Variants in SPATA17 observed in about 807,000 individuals in gnomAD.
SPATA17 encodes the protein spermatogenesis associated 17.
In SPATA17, 53 loss-of-function variants were observed where a neutral mutation model predicts 62.2. That is an observed-to-expected ratio of 0.85 (90% CI 0.68 to 1.07). SPATA17 has a LOEUF of 1.07. Among genes scored for constraint, SPATA17 ranks in the 50% least tolerant of loss-of-function variants. SPATA17 has a pLI of 0.00. For missense variants in SPATA17, 466 were observed against 425.5 expected (o/e 1.10, Z -0.84); for synonymous variants, 146 against 146.8 (o/e 0.99, Z 0.04).
intron 5 of SPATA17, among the ~76,000 whole-genome samples, chr1:217,706,520 G>GT (rs1158009280): frequency 6.6e-6 from 1 of 152,166 alleles, no homozygotes; most frequent in Non-Finnish European, 1.5e-5. Context: ...ATAAATGGTA[G>GT]TTTTTTCTGT....
At chr1:217,757,666 T>A (rs967936161) in intron 6 of SPATA17, among the ~76,000 whole-genome samples, 14 of 152,002 alleles carry the variant, frequency 9.2e-5, no homozygotes, top group Non-Finnish European at 2.1e-4. Flanking sequence ...AGAGGAGAGT[T>A]TTAGAATGGT....
intron 1 of SPATA17, among the ~76,000 whole-genome samples, chr1:217,636,701 G>T (rs554301873): frequency 1.3e-5 from 2 of 152,164 alleles, no homozygotes; most frequent in Non-Finnish European, 2.9e-5. Context: ...TGGGATTACA[G>T]GCGTGAGCCA....
chr1:217,771,568 G>A (rs1453883497), intron 6 of SPATA17, among the ~76,000 whole-genome samples: 3 of 152,134 alleles, frequency 2.0e-5, no homozygotes, highest in African/African-American at 4.8e-5. Flanking sequence ...GTATTTGCCT[G>A]CTCTAGGGAT....
At chr1:217,698,105 G>A (rs559773852) in intron 5 of SPATA17, among the ~76,000 whole-genome samples, 1 of 152,118 alleles carries the variant, frequency 6.6e-6, no homozygotes, top group South Asian at 2.1e-4. Flanking sequence ...AGACCAGCCT[G>A]GCCAGCATGG....
intron 8 of SPATA17, among the ~76,000 whole-genome samples, chr1:217,783,550 C>T (rs796603666): frequency 4.6e-5 from 7 of 152,036 alleles, no homozygotes; most frequent in African/African-American, 1.7e-4. Flanking sequence ...CCACACATAT[C>T]GTAGAAGATT....
chr1:217,710,227 G>A (rs899670426), intron 5 of SPATA17, among the ~76,000 whole-genome samples: 1 of 152,170 alleles, frequency 6.6e-6, no homozygotes, highest in Non-Finnish European at 1.5e-5. Flanking sequence ...ATTTAAGGCT[G>A]AGTTTGCGCT....
rs1023510763 is a variant in SPATA17, at chr1:217,782,077, ACCTG to A, written c.724-95_724-92del. 3 of 1,199,826 alleles carry A rather than the reference ACCTG, an allele frequency of 2.5e-6. No homozygotes were observed. The African/African-American group carries it at 4.6e-5, about 19-fold the overall frequency. The allele number at this position is 1,199,826 out of a possible 1,614,324, so 74.3% of individuals were successfully genotyped here. On this transcript the variant is annotated intron_variant, in intron 7 of 10. Transcript: ENST00000366933. Reference sequence around the variant, plus strand: ...TGGTGTTTTAAAAATAACTTAGTAAACCTGCTATACTTTGTAGATGTTCACTAGC... The same window carrying A: ...TGGTGTTTTAAAAATAACTTAGTAAACTATACTTTGTAGATGTTCACTAGC...
intron 9 of SPATA17, 43 bp from the exon 10 acceptor site, chr1:217,862,731 T>C (rs2103016821): frequency 7.4e-7 from 1 of 1,348,094 alleles, no homozygotes; most frequent in Non-Finnish European, 1.1e-6. Context: ...TAACATAAAA[T>C]CATGAAGATC....
chr1:217,700,443 A>G lies in SPATA17; in HGVS notation c.395+17082A>G, dbSNP rs1671568109. 3.3e-5 allele frequency among the ~76,000 whole-genome samples: 5 copies of G among 152,152 alleles called. No homozygotes were observed. The South Asian group carries it at 1.0e-3, about 31-fold the overall frequency. ...AAGCCTATTTTTAGTTCTGATAGAT[A>G]TCTTATTTTCTTGAAAGTATTTTCA... On this transcript the variant is annotated intron_variant, in intron 5 of 10. Transcript: ENST00000366933.
At position 217,641,875 on chromosome 1, in the gene SPATA17, C is replaced by G. The variant is rs144254114; in HGVS notation, c.69-7007C>G. On this transcript the variant is annotated intron_variant, in intron 1 of 10. Transcript: ENST00000366933. ...TCCATTCAAGCTTTGCCAAATTGCT[C>G]CAATAACGTTCTTTATAGCAAAAGG... is the stretch of plus-strand genomic sequence containing the variant. Among the ~76,000 whole-genome samples the G allele has an allele frequency of 2.4e-3, 369 of 152,260 alleles. 1 individual carries two copies. Among genetic ancestry groups the G allele is most frequent in the African/African-American group, 8.6e-3 (357 of 41,576 alleles).
intron 9 of SPATA17, among the ~76,000 whole-genome samples, chr1:217,858,755 C>T (rs956267353): frequency 6.6e-6 from 1 of 152,022 alleles, no homozygotes; most frequent in Admixed American, 6.6e-5. Context: ...TATAGCCGGG[C>T]GTGGTGGCTC....
chr1:217,742,427 A>T (rs779676543), intron 6 of SPATA17, among the ~76,000 whole-genome samples: 1 of 152,174 alleles, frequency 6.6e-6, no homozygotes, highest in Non-Finnish European at 1.5e-5. Flanking sequence ...ATTGATCAAG[A>T]ACTAACAAGT....
chr1:217,740,530 A>T (rs1389728312), intron 5 of SPATA17, among the ~76,000 whole-genome samples: 1 of 152,204 alleles, frequency 6.6e-6, no homozygotes, highest in East Asian at 1.9e-4. Flanking sequence ...CTTTGTCAAA[A>T]ATGGACACAG....
intron 1 of SPATA17, among the ~76,000 whole-genome samples, chr1:217,640,499 T>C (rs779584035): frequency 2.0e-5 from 3 of 152,136 alleles, no homozygotes; most frequent in Non-Finnish European, 4.4e-5. Flanking sequence ...TGCATGTCAT[T>C]TGACTCAGAA....
chr1:217,862,631 A>G lies in SPATA17; in HGVS notation c.1006-143A>G, dbSNP rs537544491. 4.9e-5 allele frequency: 29 copies of G among 594,982 alleles called. No individual in the cohort carries two copies. The South Asian group carries it at 4.9e-4, about 10-fold the overall frequency. 36.9% of individuals were successfully genotyped at this position (594,982 alleles called of 1,614,324 possible). ...TAAAACTTCAAAAATTTACCTGCTA[A>G]TTTTGTTTTGAGAGTATAATGGGAA... On this transcript the variant is annotated intron_variant, in intron 9 of 10. Transcript: ENST00000366933.
At chr1:217,801,085 C>T (rs1366413790) in intron 8 of SPATA17, among the ~76,000 whole-genome samples, 6 of 152,146 alleles carry the variant, frequency 3.9e-5, no homozygotes, top group Non-Finnish European at 8.8e-5. Context: ...TTATTGGACA[C>T]ATTTTTTTCA....
chr1:217,778,248 C>A (rs1673641803), intron 7 of SPATA17, among the ~76,000 whole-genome samples: 1 of 152,084 alleles, frequency 6.6e-6, no homozygotes, highest in Non-Finnish European at 1.5e-5. Flanking sequence ...CGGTGGCTCA[C>A]ACCTGTAATC....
intron 3 of SPATA17, among the ~76,000 whole-genome samples, chr1:217,654,264 A>C (rs947740169): frequency 6.6e-6 from 1 of 151,650 alleles, no homozygotes; most frequent in Non-Finnish European, 1.5e-5. Flanking sequence ...CAACTTCCCA[A>C]GTAGCTGGAA....
chr1:217,802,212 T>C (rs1314598083), intron 9 of SPATA17, among the ~76,000 whole-genome samples: 2 of 152,112 alleles, frequency 1.3e-5, no homozygotes, highest in Admixed American at 6.6e-5. Flanking sequence ...TATGTATGTA[T>C]GTTTATAGAT....
Sources: gnomAD v4.1 joint callset for allele counts (sites outside exome capture counted in the v4.1 genomes callset) on GRCh38, gnomAD v4.1.1 for gene constraint, MANE v1.5 for transcripts, NCBI Gene and HGNC (gene_info 2026-07-23, HGNC 2026-07-21) for gene names.